Variants in POGZ observed in about 807,000 individuals in gnomAD.
The protein encoded by POGZ is pogo transposable element derived with ZNF domain.
A neutral mutation model predicts 134.6 loss-of-function variants in POGZ; 17 were observed. The ratio of observed to expected loss-of-function variants is 0.13; its 90% CI spans 0.09 to 0.19. POGZ has a LOEUF of 0.19. POGZ is among the 10% of genes least tolerant of loss of function. The pLI, the probability that POGZ is intolerant of heterozygous loss-of-function variation, is 1.00. For synonymous variants in POGZ, 693 were observed against 657.1 expected (o/e 1.05, Z -0.84); for missense variants, 1,306 against 1,769.7 (o/e 0.74, Z 4.70).
intron 3 of POGZ, among the ~76,000 whole-genome samples, chr1:151,436,441 CTTT>C (rs1260551575): frequency 1.3e-5 from 2 of 151,508 alleles, no homozygotes; most frequent in Admixed American, 6.6e-5. Context: ...TGTCTGGCTT[CTTT>C]TTTCTTTCTT....
Position 151,416,162 on chromosome 1 carries a change from T to C in POGZ, c.1679-3766A>G, listed in dbSNP as rs572963520. On this transcript the variant is annotated intron_variant, in intron 10 of 18. Coordinates refer to ENST00000271715, the MANE Select transcript of POGZ (RefSeq NM_015100.4). Reference sequence around the variant, plus strand: ...CGCGGAGGTTGCAGTGAGCTGAGACTGTGCCACTGCACACACCAGCCTGGG... The same window carrying C: ...CGCGGAGGTTGCAGTGAGCTGAGACCGTGCCACTGCACACACCAGCCTGGG... Among the ~76,000 whole-genome samples the C allele has an allele frequency of 4.9e-4, 63 of 128,180 alleles. 3 individuals carry two copies. In the South Asian group the frequency reaches 0.015, roughly 30 times the overall value. The allele number at this position is 128,180 out of a possible 152,430, so 84.1% of individuals were successfully genotyped here. A position where few individuals can be genotyped will look rare whatever the true frequency, so the allele number is the denominator to read the frequency against.
At position 151,411,610 on chromosome 1, in the gene POGZ, C is replaced by T; in HGVS notation, c.1926+15G>A. 6.4e-7 allele frequency: 1 copy of T among 1,560,696 alleles called. No homozygotes were observed. Among genetic ancestry groups the T allele is most frequent in the Non-Finnish European group, 8.7e-7 (1 of 1,148,144 alleles). The stretch of plus-strand genomic sequence containing the variant: ...AAAAAACAAGAGAATATGGGAATTG[C>T]TTGGTGCCTAGTACCTGGTGCCTCA... On this transcript the variant is annotated intron_variant, in intron 12 of 18. Transcript: ENST00000271715.
At position 151,428,049 on chromosome 1, in the gene POGZ, G is replaced by T. The variant is rs761882052; in HGVS notation, c.860-8C>A. 2.5e-6 allele frequency: 4 copies of T among 1,613,936 alleles called. No homozygotes were observed. The highest frequency in any genetic ancestry group is 1.1e-5 in the South Asian group (1 of 91,042). ...GAGAGGGGAAGGAGGGAGCTACGGTGACCAAGTGATAATCATCTGTTCTCC... is the reference window on the plus strand; with the variant it reads ...GAGAGGGGAAGGAGGGAGCTACGGTTACCAAGTGATAATCATCTGTTCTCC... On this transcript the variant is annotated splice_region_variant and splice_polypyrimidine_tract_variant and intron_variant, in intron 6 of 18. Transcript: ENST00000271715.
At position 151,404,300 on chromosome 1, in the gene POGZ, GT is replaced by G. The variant is rs1352144247; in HGVS notation, c.*501del. ...ATCCATATATATAATAAACCAGTTT[GT>G]GAGCTACATAATTTGTCTTTCCCAT... On this transcript the variant is annotated 3_prime_UTR_variant, in exon 19 of 19. Transcript: ENST00000271715. 2.0e-6 allele frequency: 2 copies of G among 984,220 alleles called. No homozygotes were observed. Among genetic ancestry groups the G allele is most frequent in the Non-Finnish European group, 2.4e-6 (2 of 828,618 alleles). The allele number at this position is 984,220 out of a possible 1,614,324, so 61.0% of individuals were successfully genotyped here.
intron 1 of POGZ, among the ~76,000 whole-genome samples, chr1:151,448,448 T>C (rs1661572333): frequency 6.6e-6 from 1 of 152,156 alleles, no homozygotes; most frequent in South Asian, 2.1e-4. Flanking sequence ...CTCATATCTA[T>C]TAAAATTTTT....
At chr1:151,422,887 C>A (rs965794347) in intron 10 of POGZ, among the ~76,000 whole-genome samples, 1 of 152,126 alleles carries the variant, frequency 6.6e-6, no homozygotes, top group Non-Finnish European at 1.5e-5. Flanking sequence ...CCACCGTGCC[C>A]GGCCATATTA....
chr1:151,430,938 ATTTTAT>A, intron 3 of POGZ, 97 bp from the exon 4 acceptor site: 3 of 707,124 alleles, frequency 4.2e-6, no homozygotes, highest in Non-Finnish European at 5.9e-6. Flanking sequence ...ATTTTATTTT[ATTTTAT>A]TTTATTTGAT....
At position 151,402,875 on chromosome 1, in the gene POGZ, A is replaced by T. The variant is rs1227975278; in HGVS notation, c.*1927T>A. The T allele has an allele frequency of 2.6e-5, 4 of 152,556 alleles. No homozygotes were observed. The highest frequency in any genetic ancestry group is 2.9e-5 in the Non-Finnish European group (2 of 68,012). 9.5% of individuals were successfully genotyped at this position (152,556 alleles called of 1,614,324 possible). ...GCTGATCCACTGTTGGTATAATCTT[A>T]AAAAAAATTACCCATCAAGAAAGTC... is the stretch of plus-strand genomic sequence containing the variant. On this transcript the variant is annotated 3_prime_UTR_variant, in exon 19 of 19. Transcript: ENST00000271715.
rs762415874 is a variant in POGZ, at chr1:151,406,663, C to G, written c.2546-32G>C. ...AAAATGAAACAACAAAAATAGTTAG[C>G]TCAGTGAAAAAATAAGCCCTCCAAA... On this transcript the variant is annotated intron_variant, in intron 17 of 18. Transcript: ENST00000271715. The G allele has an allele frequency of 5.0e-6, 8 of 1,593,788 alleles. No individual in the cohort carries two copies. The East Asian group carries it at 1.6e-4, about 31-fold the overall frequency.
chr1:151,424,843 T>C, intron 8 of POGZ, 112 bp downstream of exon 8: 1 of 640,830 alleles, frequency 1.6e-6, no homozygotes. Context: ...AGAGAAACAG[T>C]AACCCTTTAA....
rs1317394961 is a variant in POGZ, at chr1:151,405,213, G to C, written c.3822C>G (p.Asn1274Lys). 6.2e-7 allele frequency: 1 copy of C among 1,614,106 alleles called. No homozygotes were observed. ...LDVCIKRTVKNFLHKKWKEQA... is the reference protein window; with the variant it reads ...LDVCIKRTVKKFLHKKWKEQA... ...GTTCCTTCCATTTTTTATGCAGGAA[G>C]TTCTTGACAGTTCTTTTGATGCATA... Residue 1274 changes from asparagine to lysine, a missense_variant, in exon 19 of 19, where the codon AAC becomes AAG. Around this residue, in one of 10 missense-constraint regions of POGZ, gnomAD observed 67 missense variants for 105.8 expected, o/e 0.63. Transcript: ENST00000271715. The surrounding 1 kb of genome is among the most constrained non-coding windows in gnomAD (Gnocchi z 4.9).
Position 151,404,031 on chromosome 1 carries a change from T to C in POGZ, c.*771A>G. 2.0e-6 allele frequency: 2 copies of C among 985,364 alleles called. No individual in the cohort carries two copies. The highest frequency in any genetic ancestry group is 1.7e-5 in the African/African-American group (1 of 57,340). 61.0% of individuals were successfully genotyped at this position (985,364 alleles called of 1,614,324 possible). On this transcript the variant is annotated 3_prime_UTR_variant, in exon 19 of 19. Coordinates refer to ENST00000271715, the MANE Select transcript of POGZ (RefSeq NM_015100.4). ...GGCCAAGGATCACAAGTGCAAAAAATATTGTTTATGTCATGTTTTGGAGGG... is the reference window on the plus strand; with the variant it reads ...GGCCAAGGATCACAAGTGCAAAAAACATTGTTTATGTCATGTTTTGGAGGG...
At chr1:151,418,707 T>G (rs2102239042) in intron 10 of POGZ, among the ~76,000 whole-genome samples, 1 of 152,274 alleles carries the variant, frequency 6.6e-6, no homozygotes, top group South Asian at 2.1e-4. Context: ...GTACACCTAT[T>G]ATGCATCAAT....
At chr1:151,457,388 A>G (rs571985035) in intron 1 of POGZ, among the ~76,000 whole-genome samples, 43 of 152,116 alleles carry the variant, frequency 2.8e-4, no homozygotes, top group Non-Finnish European at 3.2e-4. Flanking sequence ...AAATGTAAAG[A>G]TGACAACCCC....
chr1:151,412,490 G>T, intron 10 of POGZ, 94 bp from the exon 11 acceptor site: 1 of 701,628 alleles, frequency 1.4e-6, no homozygotes, highest in Non-Finnish European at 2.5e-6. Context: ...CCTTTATTTT[G>T]ATTTTCAACA....
At chr1:151,411,590 AC>A (rs762148388) in intron 12 of POGZ, 34 bp downstream of exon 12, 7 of 1,493,184 alleles carry the variant, frequency 4.7e-6, no homozygotes, top group South Asian at 3.8e-5. Flanking sequence ...AAAAAAAAAA[AC>A]AAGAGAATAT....
At chr1:151,409,500 T>C (rs1381709893) in intron 12 of POGZ, among the ~76,000 whole-genome samples, 2 of 152,170 alleles carry the variant, frequency 1.3e-5, no homozygotes, top group Non-Finnish European at 2.9e-5. Flanking sequence ...CACGCCCGGC[T>C]ACTTTTTGTA....
chr1:151,415,773 C>T (rs993766959), intron 10 of POGZ, among the ~76,000 whole-genome samples: 2 of 151,804 alleles, frequency 1.3e-5, no homozygotes, highest in African/African-American at 4.8e-5. Flanking sequence ...TTTTTAGTCC[C>T]AAATCTCACA....
At chr1:151,429,794 A>G in intron 4 of POGZ, 83 bp from the exon 5 acceptor site, 2 of 670,980 alleles carry the variant, frequency 3.0e-6, no homozygotes, top group South Asian at 1.9e-5. Context: ...ATCCAAAAAA[A>G]AATTCCCATA....
Sources: gnomAD v4.1 joint callset for allele counts (sites outside exome capture counted in the v4.1 genomes callset) on GRCh38, gnomAD v4.1.1 for gene constraint, gnomAD v4.1.1 regional missense constraint, Gnocchi (gnomAD v3.1) non-coding constraint, MANE v1.5 for transcripts, NCBI Gene and HGNC (gene_info 2026-07-23, HGNC 2026-07-21) for gene names.